The following BABAM2 variants were observed in gnomAD, a reference collection of about 807,000 sequenced individuals.
The protein encoded by BABAM2 is BRISC and BRCA1-A complex member 2.
A neutral mutation model predicts 54.7 loss-of-function variants in BABAM2; 31 were observed. The ratio of observed to expected loss-of-function variants is 0.57; its 90% CI spans 0.43 to 0.77. The LOEUF is 0.77. Ranked by LOEUF, BABAM2 falls within the 30% of genes least tolerant of loss-of-function variation. The pLI is 0.00. For synonymous variants in BABAM2, 167 were observed against 162.9 expected (o/e 1.03, Z -0.19); for missense variants, 364 against 455.8 (o/e 0.80, Z 1.83).
chr2:28,333,818 GCTTACA>G (rs1558538852), intron 11 of BABAM2, among the ~76,000 whole-genome samples: 1 of 152,188 alleles, frequency 6.6e-6, no homozygotes, highest in African/African-American at 2.4e-5. Flanking sequence ...CCTAGAACAC[GCTTACA>G]CTTTTAAAGC....
At chr2:28,202,791 T>C (rs1434178223) in intron 7 of BABAM2, among the ~76,000 whole-genome samples, 1 of 152,184 alleles carries the variant, frequency 6.6e-6, no homozygotes, top group African/African-American at 2.4e-5. Context: ...AAGACTTAAA[T>C]AAACATCTTC....
At chr2:28,059,892 A>G (rs1444095213) in intron 6 of BABAM2, among the ~76,000 whole-genome samples, 3 of 152,230 alleles carry the variant, frequency 2.0e-5, no homozygotes, top group African/African-American at 7.2e-5. Context: ...TGAAAACTTT[A>G]GGCACAGATG....
chr2:28,055,571 T>C lies in BABAM2; in HGVS notation c.570+9772T>C, dbSNP rs115738988. Among the ~76,000 whole-genome samples, 961 of 152,340 alleles carry C rather than the reference T, an allele frequency of 6.3e-3. 7 individuals are homozygous for C. The highest frequency in any genetic ancestry group is 7.9e-3 in the Non-Finnish European group (535 of 68,028). ...ATATGATTTATGGTAATTCTGACAA[T>C]GGTATATATATTTTCTTAGTAAAAA... On this transcript the variant is annotated intron_variant, in intron 6 of 11. Coordinates refer to ENST00000379624, the MANE Select transcript of BABAM2 (RefSeq NM_199191.3).
chr2:28,087,004 T>C (rs1011017553), intron 6 of BABAM2, among the ~76,000 whole-genome samples: 2 of 152,206 alleles, frequency 1.3e-5, no homozygotes, highest in Admixed American at 6.5e-5. Flanking sequence ...AATTTTAATA[T>C]CAGTTTAAGC....
intron 10 of BABAM2, among the ~76,000 whole-genome samples, chr2:28,273,060 G>A (rs1265832149): frequency 2.0e-5 from 3 of 152,170 alleles, no homozygotes; most frequent in Admixed American, 1.3e-4. Context: ...GCTAGCACAG[G>A]CACATGGAGC....
At chr2:28,010,039 T>C (rs570765777) in intron 4 of BABAM2, among the ~76,000 whole-genome samples, 15 of 152,288 alleles carry the variant, frequency 9.8e-5, no homozygotes, top group African/African-American at 3.6e-4. Flanking sequence ...AGGACTGGGG[T>C]ACTGCTCATT....
chr2:28,233,271 G>T (rs771845891), intron 7 of BABAM2: 1 of 471,264 alleles, frequency 2.1e-6, no homozygotes, highest in Non-Finnish European at 4.4e-6. Context: ...CAGCCACTTA[G>T]TGGGTTAGTC....
intron 6 of BABAM2, among the ~76,000 whole-genome samples, chr2:28,117,351 T>C (rs372370422): frequency 6.6e-6 from 1 of 152,242 alleles, no homozygotes; most frequent in South Asian, 2.1e-4. Flanking sequence ...TACCGTGGTG[T>C]CATCTGTGTT....
At chr2:28,013,251 A>T (rs1674526201) in intron 4 of BABAM2, 1 of 414,318 alleles carries the variant, frequency 2.4e-6, no homozygotes, top group Non-Finnish European at 4.9e-6. Context: ...AGATTCTGAC[A>T]CCCTGGCACA....
At chr2:28,099,197 A>G (rs1355888953) in intron 6 of BABAM2, among the ~76,000 whole-genome samples, 1 of 152,192 alleles carries the variant, frequency 6.6e-6, no homozygotes, top group African/African-American at 2.4e-5. Context: ...TTTAGTACCA[A>G]ATTAATTTTG....
In BABAM2 at chr2:28,120,124, C is replaced by T. The variant is rs568755703; in HGVS notation, c.571-9147C>T. 1.1e-3 allele frequency among the ~76,000 whole-genome samples: 165 copies of T among 152,310 alleles called. 1 individual carries two copies. The highest frequency in any genetic ancestry group is 1.9e-3 in the Non-Finnish European group (126 of 68,014). On this transcript the variant is annotated intron_variant, in intron 6 of 11. Coordinates refer to ENST00000379624, the MANE Select transcript of BABAM2 (RefSeq NM_199191.3). Reference sequence around the variant, plus strand: ...ACTTCTATAGCCTTTAGTCTTTACACATTTGTTAATTTTAATTTCTTGCCC... The same window carrying T: ...ACTTCTATAGCCTTTAGTCTTTACATATTTGTTAATTTTAATTTCTTGCCC...
In BABAM2 at chr2:28,172,063, GTGTTT is replaced by G. The variant is rs779663105; in HGVS notation, c.680+42699_680+42703del. Among the ~76,000 whole-genome samples, 43 of 148,890 alleles carry G rather than the reference GTGTTT, an allele frequency of 2.9e-4. No homozygotes were observed. The Middle Eastern group carries it at 0.01, about 36-fold the overall frequency. On this transcript the variant is annotated intron_variant, in intron 7 of 11. Coordinates refer to ENST00000379624, the MANE Select transcript of BABAM2 (RefSeq NM_199191.3). ...CTGCTAAACATTACCTGTGTCTTCT[GTGTTT>G]TGTTTTGTTTTGTTTGAAATGTGTG... is the stretch of plus-strand genomic sequence containing the variant.
At chr2:28,240,546 G>A (rs1209454153) in intron 8 of BABAM2, among the ~76,000 whole-genome samples, 1 of 152,094 alleles carries the variant, frequency 6.6e-6, no homozygotes, top group African/African-American at 2.4e-5. Context: ...AAAAACAAAT[G>A]GCTGATCCTT....
chr2:28,209,566 A>G (rs1679235910), intron 7 of BABAM2, among the ~76,000 whole-genome samples: 4 of 152,196 alleles, frequency 2.6e-5, no homozygotes, highest in Admixed American at 6.5e-5. Context: ...CTGCCAGATC[A>G]GTAGACTGTG....
chr2:28,288,154 AC>A (rs1686976799), intron 10 of BABAM2, among the ~76,000 whole-genome samples: 1 of 152,024 alleles, frequency 6.6e-6, no homozygotes, highest in South Asian at 2.1e-4. Context: ...AACCAGATAA[AC>A]CCAGAAAAGC....
intron 6 of BABAM2, among the ~76,000 whole-genome samples, chr2:28,048,649 G>A (rs960484467): frequency 3.9e-5 from 6 of 152,126 alleles, no homozygotes; most frequent in African/African-American, 1.2e-4. Context: ...CAGATCAGGC[G>A]TAGACCAACT....
At chr2:27,987,898 T>C in intron 3 of BABAM2, 95 bp from the exon 4 acceptor site, 2 of 1,048,888 alleles carry the variant, frequency 1.9e-6, no homozygotes, top group Non-Finnish European at 2.9e-6. Context: ...CTTAAACTAA[T>C]GTAAATTTCT....
chr2:28,073,758 T>A (rs1664386346), intron 6 of BABAM2, among the ~76,000 whole-genome samples: 1 of 152,288 alleles, frequency 6.6e-6, no homozygotes, highest in African/African-American at 2.4e-5. Context: ...GGATTCTGGA[T>A]TCTGATAAAT....
At chr2:28,259,147 G>T (rs1285376966) in intron 10 of BABAM2, among the ~76,000 whole-genome samples, 1 of 123,722 alleles carries the variant, frequency 8.1e-6, no homozygotes, top group Non-Finnish European at 1.6e-5. Context: ...GAGTGTAGTG[G>T]TGCGATCTGG....
Sources: allele counts gnomAD v4.1 joint callset (sites outside exome capture counted in the v4.1 genomes callset), GRCh38; gene constraint gnomAD v4.1.1; transcripts MANE v1.5; gene names NCBI Gene and HGNC (gene_info 2026-07-23, HGNC 2026-07-21).